Variants in AMBRA1 observed in about 807,000 individuals in gnomAD.
The protein encoded by AMBRA1 is activating molecule in BECN1-regulated autophagy protein 1.
AMBRA1 carries 47 observed loss-of-function variants against 125.4 expected under a neutral mutation model. That is an observed-to-expected ratio of 0.37 (90% confidence interval 0.30 to 0.48). The LOEUF (loss-of-function observed/expected upper bound fraction) is 0.48. Ranked by LOEUF, AMBRA1 falls within the 20% of genes least tolerant of loss-of-function variation. AMBRA1 has a pLI of 0.99. For missense variants in AMBRA1, 1,331 were observed against 1,693.4 expected (o/e 0.79, Z 3.76); for synonymous variants, 626 against 655.5 (o/e 0.95, Z 0.69).
At chr11:46,494,067 A>C in intron 10 of AMBRA1, 57 bp downstream of exon 10, 1 of 1,489,762 alleles carries the variant, frequency 6.7e-7, no homozygotes, top group Non-Finnish European at 9.2e-7. Context: ...GTAGGTTTAA[A>C]ACTAAATCCT....
intron 7 of AMBRA1, among the ~76,000 whole-genome samples, chr11:46,533,249 A>G (rs1416117840): frequency 6.7e-6 from 1 of 148,650 alleles, no homozygotes; most frequent in Non-Finnish European, 1.5e-5. Context: ...GTTAACACAC[A>G]CACAAATTGT....
chr11:46,441,656 T>C (rs1948015483), intron 12 of AMBRA1, among the ~76,000 whole-genome samples: 1 of 152,206 alleles, frequency 6.6e-6, no homozygotes, highest in Non-Finnish European at 1.5e-5. Flanking sequence ...TAATAGTGTC[T>C]GAAGCACCAC....
intron 9 of AMBRA1, among the ~76,000 whole-genome samples, chr11:46,505,188 G>A (rs1950988016): frequency 2.0e-5 from 3 of 152,220 alleles, no homozygotes; most frequent in Admixed American, 2.0e-4. Flanking sequence ...AATCGTGACT[G>A]CACATGCCTC....
chr11:46,591,382 C>T (rs1486320862), intron 1 of AMBRA1: 1 of 152,102 alleles, frequency 6.6e-6, no homozygotes, highest in Non-Finnish European at 1.5e-5. Context: ...GCACTGAGGT[C>T]GTGTAACTAG....
intron 1 of AMBRA1, among the ~76,000 whole-genome samples, chr11:46,588,890 T>C (rs763208062): frequency 3.9e-5 from 6 of 152,130 alleles, no homozygotes; most frequent in Non-Finnish European, 5.9e-5. Flanking sequence ...CTATACCTAC[T>C]GTGTGATCTT....
chr11:46,579,045 T>TAA (rs11393945), intron 1 of AMBRA1, among the ~76,000 whole-genome samples: 1,198 of 68,014 alleles, frequency 0.018, 33 homozygotes, highest in African/African-American at 0.059. Context: ...AAGAAAGCAA[T>TAA]AAAAAAAAAA....
intron 11 of AMBRA1, among the ~76,000 whole-genome samples, chr11:46,463,749 C>G (rs537207885): frequency 6.6e-6 from 1 of 152,172 alleles, no homozygotes; most frequent in African/African-American, 2.4e-5. Flanking sequence ...GCACAGTACT[C>G]GGGGCCCTAA....
intron 11 of AMBRA1, among the ~76,000 whole-genome samples, chr11:46,447,378 T>C (rs928537660): frequency 6.6e-6 from 1 of 151,942 alleles, no homozygotes; most frequent in African/African-American, 2.4e-5. Flanking sequence ...CTACTAAAAA[T>C]ACAAAAATTA....
At chr11:46,569,215 T>C (rs1397104517) in intron 1 of AMBRA1, among the ~76,000 whole-genome samples, 9 of 130,876 alleles carry the variant, frequency 6.9e-5, no homozygotes, top group Admixed American at 2.6e-4. Flanking sequence ...TACCACACTC[T>C]AGCCTGGGCG....
chr11:46,533,653 A>G (rs1952322715), intron 7 of AMBRA1, among the ~76,000 whole-genome samples: 1 of 152,164 alleles, frequency 6.6e-6, no homozygotes, highest in Non-Finnish European at 1.5e-5. Flanking sequence ...AAATCAATCT[A>G]AAAGTGTGCA....
At chr11:46,590,691 C>T (rs888710711) in intron 1 of AMBRA1, among the ~76,000 whole-genome samples, 8 of 151,894 alleles carry the variant, frequency 5.3e-5, no homozygotes, top group African/African-American at 1.9e-4. Flanking sequence ...AACAGAGAAC[C>T]CAATCTAACA....
At chr11:46,414,535 C>T (rs1946443038) in intron 15 of AMBRA1, among the ~76,000 whole-genome samples, 1 of 152,182 alleles carries the variant, frequency 6.6e-6, no homozygotes, top group Admixed American at 6.5e-5. Context: ...CAGTGGGCTT[C>T]CCGCCAGCAC....
chr11:46,397,625 C>T lies in AMBRA1; in HGVS notation c.3722G>A (p.Arg1241Gln), dbSNP rs1386793453. Reference sequence around the variant, plus strand: ...GGGCAGGGTTGGCTGGGTTGGCTCCCGCCCAGGGGTACCAGGCTGGTCCCA... The same window carrying T: ...GGGCAGGGTTGGCTGGGTTGGCTCCTGCCCAGGGGTACCAGGCTGGTCCCA... ...ASWDQPGTPG[R>Q]EPTQPTLPSS... Residue 1241 changes from arginine to glutamine, a missense_variant, in exon 18 of 18, where the codon CGG (arginine) becomes CAG (glutamine). Coordinates refer to ENST00000683756, the MANE Select transcript of AMBRA1 (RefSeq NM_001387011.1). 7 of 1,611,236 alleles carry T rather than the reference C, an allele frequency of 4.3e-6. No individual in the cohort carries two copies. The highest frequency in any genetic ancestry group is 3.3e-5 in the South Asian group (3 of 90,736).
chr11:46,459,643 G>A (rs1175149765), intron 11 of AMBRA1, among the ~76,000 whole-genome samples: 1 of 151,354 alleles, frequency 6.6e-6, no homozygotes, highest in East Asian at 1.9e-4. Flanking sequence ...CCTGGGAGGT[G>A]GAGGTTGCAA....
rs1189837424 is a variant in AMBRA1 at position 46,543,150 on chromosome 11, C to G, written c.867G>C (p.Arg289Ser). Reference protein sequence around the residue: ...TERPRTSAYIRLRQRVSYPTA... With the variant: ...TERPRTSAYISLRQRVSYPTA... ...TGGGGTAACTGACCCGCTGTCGGAG[C>G]CTGATGTAAGCGGAAGTCCTGGGGC... Residue 289 changes from arginine (R) to serine (S), a missense_variant, in exon 7 of 18, where the codon AGG (arginine) becomes AGC (serine). Transcript: ENST00000683756. The G allele has an allele frequency of 6.4e-7, 1 of 1,566,140 alleles. No homozygotes were observed. The highest frequency in any genetic ancestry group is 8.6e-7 in the Non-Finnish European group (1 of 1,159,082).
At chr11:46,492,909 C>T (rs758320738) in intron 11 of AMBRA1, among the ~76,000 whole-genome samples, 155 of 152,206 alleles carry the variant, frequency 1.0e-3, no homozygotes, top group Non-Finnish European at 1.5e-3. Flanking sequence ...ATTAGCTGGG[C>T]GTGGTGGCGG....
chr11:46,527,504 A>AAAAAAAAAAAAAAAAAT (rs1952029865), intron 7 of AMBRA1, among the ~76,000 whole-genome samples: 1 of 148,668 alleles, frequency 6.7e-6, no homozygotes, highest in Non-Finnish European at 1.5e-5. Context: ...AAAAAAAAAA[A>AAAAAAAAAAAAAAAAAT]GGCAACCTAT....
At chr11:46,460,168 C>T (rs1480088375) in intron 11 of AMBRA1, among the ~76,000 whole-genome samples, 2 of 152,060 alleles carry the variant, frequency 1.3e-5, no homozygotes, top group Non-Finnish European at 2.9e-5. Context: ...GTTCATCAAT[C>T]GGGAACAGAC....
chr11:46,552,970 G>C (rs914857528), intron 1 of AMBRA1, among the ~76,000 whole-genome samples: 2 of 151,550 alleles, frequency 1.3e-5, no homozygotes, highest in Admixed American at 6.6e-5. Flanking sequence ...TTTTGAGACA[G>C]AGTCTCGCTC....
Sources: allele counts gnomAD v4.1 joint callset (sites outside exome capture counted in the v4.1 genomes callset), GRCh38; gene constraint gnomAD v4.1.1; transcripts MANE v1.5; gene names NCBI Gene and HGNC (gene_info 2026-07-23, HGNC 2026-07-21).